WWP1: variants seen among roughly 807,000 people sequenced by gnomAD.
WWP1 encodes WW domain containing E3 ubiquitin protein ligase 1.
WWP1 carries 49 observed loss-of-function variants against 130.6 expected under a neutral mutation model. That is an observed-to-expected ratio of 0.38 (90% CI 0.30 to 0.48). The LOEUF is 0.48. Among genes scored for constraint, WWP1 ranks in the 20% least tolerant of loss-of-function variants. The pLI is 0.99. For synonymous variants in WWP1, 332 were observed against 367.8 expected (o/e 0.90, Z 1.11); for missense variants, 809 against 1,100.6 (o/e 0.74, Z 3.75).
chr8:86,446,139 A>C (rs1204677242), intron 18 of WWP1, among the ~76,000 whole-genome samples: 1 of 145,074 alleles, frequency 6.9e-6, no homozygotes, highest in Non-Finnish European at 1.5e-5. Flanking sequence ...GCACCACCAC[A>C]CTCAGCTAAT....
At chr8:86,455,648 TAAGG>T (rs1458571322) in intron 21 of WWP1, among the ~76,000 whole-genome samples, 1 of 151,964 alleles carries the variant, frequency 6.6e-6, no homozygotes, top group Non-Finnish European at 1.5e-5. Flanking sequence ...TCAGAAAAAT[TAAGG>T]AAGACCTAAA....
At chr8:86,431,236 TATAATATA>T (rs1222424250) in intron 12 of WWP1, among the ~76,000 whole-genome samples, 162 bp from the exon 13 acceptor site, 3 of 142,868 alleles carry the variant, frequency 2.1e-5, no homozygotes, top group African/African-American at 7.7e-5. Context: ...TTATATTCTC[TATAATATA>T]TATTATATTC....
At chr8:86,353,885 T>C (rs1289217570) in intron 1 of WWP1, among the ~76,000 whole-genome samples, 1 of 152,236 alleles carries the variant, frequency 6.6e-6, no homozygotes, top group East Asian at 1.9e-4. Flanking sequence ...TGTGAAATAT[T>C]GTGTCGATGT....
At chr8:86,390,574 A>G (rs1344495343) in intron 5 of WWP1, among the ~76,000 whole-genome samples, 1 of 152,174 alleles carries the variant, frequency 6.6e-6, no homozygotes, top group African/African-American at 2.4e-5. Context: ...GGCGCCTGCA[A>G]TCCCAGGCAC....
At chr8:86,415,866 GATTTT>G (rs1159799625) in intron 9 of WWP1, among the ~76,000 whole-genome samples, 1 of 152,178 alleles carries the variant, frequency 6.6e-6, no homozygotes, top group Non-Finnish European at 1.5e-5. Flanking sequence ...ACTGAAGGGA[GATTTT>G]ATTTTGTCTA....
intron 24 of WWP1, 123 bp from the exon 25 acceptor site, chr8:86,466,671 C>A: frequency 3.9e-6 from 2 of 509,062 alleles, no homozygotes; most frequent in Non-Finnish European, 6.3e-6. Flanking sequence ...ATACTTCTGG[C>A]AAAATTTTAA....
Position 86,461,858 on chromosome 8 carries a change from A to C in WWP1, c.2669+12A>C. The stretch of plus-strand genomic sequence containing the variant: ...AGAAGCCATACATGGTAAGTTCAAG[A>C]ATCCTAAATACGAAGGTGAAAGCCA... On this transcript the variant is annotated intron_variant, in intron 24 of 24. Coordinates refer to ENST00000517970, the MANE Select transcript of WWP1 (RefSeq NM_007013.4). 1 of 1,601,106 alleles carries C rather than the reference A, an allele frequency of 6.2e-7. No individual in the cohort carries two copies. Among genetic ancestry groups the C allele is most frequent in the Non-Finnish European group, 8.5e-7 (1 of 1,170,948 alleles).
rs573617971 is a variant in WWP1, at chr8:86,349,902, C to G, written c.-115+6972C>G. ...GCCACAGATGGGCAGAGATCGATTC[C>G]CTCTGCCCTTGTGATTGGATTTGAG... On this transcript the variant is annotated intron_variant, in intron 1 of 24. Transcript: ENST00000517970. Among the ~76,000 whole-genome samples the G allele has an allele frequency of 2.6e-5, 4 of 152,028 alleles. No homozygotes were observed. In the East Asian group the frequency reaches 7.8e-4, roughly 30 times the overall value.
intron 18 of WWP1, among the ~76,000 whole-genome samples, chr8:86,445,976 CTTTTTTTTT>C (rs56731329): frequency 1.2e-5 from 1 of 84,984 alleles, no homozygotes; most frequent in Admixed American, 1.6e-4. Flanking sequence ...CTTTTCTTTT[CTTTTTTTTT>C]TTTTTTTTTT....
chr8:86,431,756 C>G lies in WWP1; in HGVS notation c.1601+13C>G, dbSNP rs778473795. Reference sequence around the variant, plus strand: ...GGAAGTCATCTGTGTGAGTGAAAACCTGAAGTTCTCCTTTAAATATTGCTT... The same window carrying G: ...GGAAGTCATCTGTGTGAGTGAAAACGTGAAGTTCTCCTTTAAATATTGCTT... On this transcript the variant is annotated intron_variant, in intron 14 of 24. Transcript: ENST00000517970. The G allele has an allele frequency of 1.2e-6, 2 of 1,612,890 alleles. No homozygotes were observed. The highest frequency in any genetic ancestry group is 1.3e-5 in the African/African-American group (1 of 75,006).
rs201127505 is a variant in WWP1, at chr8:86,442,599, C to T, written c.1839-20C>T. On this transcript the variant is annotated intron_variant, in intron 17 of 24. Transcript: ENST00000517970. Reference sequence around the variant, plus strand: ...TCACATATTAATGCTAAAAAATAACCTTGACTTATTTTCTTATAGAGAATG... The same window carrying T: ...TCACATATTAATGCTAAAAAATAACTTTGACTTATTTTCTTATAGAGAATG... The T allele has an allele frequency of 3.2e-6, 5 of 1,567,560 alleles. No homozygotes were observed. In the East Asian group the frequency reaches 9.0e-5, roughly 28 times the overall value.
intron 9 of WWP1, among the ~76,000 whole-genome samples, chr8:86,424,055 G>T (rs1270607868): frequency 1.3e-5 from 2 of 151,308 alleles, no homozygotes; most frequent in Admixed American, 1.3e-4. Context: ...AGACGGGGCG[G>T]CTGCCGGGCG....
chr8:86,379,418 A>G lies in WWP1; in HGVS notation c.71-1308A>G, dbSNP rs190908005. On this transcript the variant is annotated intron_variant, in intron 3 of 24. Coordinates refer to ENST00000517970, the MANE Select transcript of WWP1 (RefSeq NM_007013.4). ...CTATTTAGATTATTATTCTCTCACA[A>G]TAGAATGGAAGCTTACATAGCTTTG... Among the ~76,000 whole-genome samples, 100 of 152,310 alleles carry G rather than the reference A, an allele frequency of 6.6e-4. 1 individual carries two copies. Among genetic ancestry groups the G allele is most frequent in the African/African-American group, 2.3e-3 (97 of 41,570 alleles).
intron 8 of WWP1, among the ~76,000 whole-genome samples, chr8:86,408,642 G>T (rs1808410573): frequency 6.6e-6 from 1 of 152,166 alleles, no homozygotes; most frequent in Non-Finnish European, 1.5e-5. Context: ...CGCTGGTTGT[G>T]CAGTGGCTTA....
At chr8:86,435,072 G>C (rs914883414) in intron 14 of WWP1, among the ~76,000 whole-genome samples, 2 of 152,178 alleles carry the variant, frequency 1.3e-5, no homozygotes, top group Admixed American at 6.5e-5. Context: ...TATTTGTTTG[G>C]GTTTTAGGTT....
intron 5 of WWP1, among the ~76,000 whole-genome samples, chr8:86,397,045 C>T (rs1027757140): frequency 5.3e-5 from 8 of 152,118 alleles, no homozygotes; most frequent in Non-Finnish European, 1.0e-4. Flanking sequence ...AATTTCTGTC[C>T]GGTGATTAGT....
chr8:86,370,714 C>A (rs1376996475), intron 2 of WWP1, among the ~76,000 whole-genome samples: 1 of 152,068 alleles, frequency 6.6e-6, no homozygotes, highest in African/African-American at 2.4e-5. Flanking sequence ...TTCTTCATGA[C>A]TTCAGTGTAG....
At chr8:86,416,451 T>C (rs1010549987) in intron 9 of WWP1, among the ~76,000 whole-genome samples, 3 of 152,216 alleles carry the variant, frequency 2.0e-5, no homozygotes, top group African/African-American at 7.2e-5. Flanking sequence ...ATTGTAGTTA[T>C]GACAAGGCAG....
chr8:86,388,396 GC>G (rs1037223725), intron 5 of WWP1, among the ~76,000 whole-genome samples: 1 of 151,990 alleles, frequency 6.6e-6, no homozygotes, highest in African/African-American at 2.4e-5. Flanking sequence ...ACTACGCTTG[GC>G]TAGGTTGTCT....
Sources: allele counts gnomAD v4.1 joint callset (sites outside exome capture counted in the v4.1 genomes callset), GRCh38; gene constraint gnomAD v4.1.1; transcripts MANE v1.5; gene names NCBI Gene and HGNC (gene_info 2026-07-23, HGNC 2026-07-21).